The following VPS41 variants were observed in gnomAD, a reference collection of about 807,000 sequenced individuals.
The protein encoded by VPS41 is vacuolar protein sorting-associated protein 41 homolog.
VPS41 carries 85 observed loss-of-function variants against 130.9 expected under a neutral mutation model. The ratio of observed to expected loss-of-function variants is 0.65; its 90% confidence interval spans 0.55 to 0.78. The LOEUF (loss-of-function observed/expected upper bound fraction) is 0.78, where lower values mean the gene tolerates loss of function less well. Ranked by LOEUF, VPS41 falls within the 30% of genes least tolerant of loss-of-function variation. The pLI, the probability that VPS41 is intolerant of heterozygous loss-of-function variation, is 0.00. For synonymous variants in VPS41, 335 were observed against 332.9 expected (o/e 1.01, Z -0.07); for missense variants, 874 against 1,018.7 (o/e 0.86, Z 1.93).
chr7:38,737,372 AAAAAAT>A (rs1795789927), intron 25 of VPS41, among the ~76,000 whole-genome samples: 1 of 152,146 alleles, frequency 6.6e-6, no homozygotes, highest in South Asian at 2.1e-4. Context: ...CTCCGTCTCA[AAAAAAT>A]AAAAATAAAA....
chr7:38,906,332 G>GT (rs35763199), intron 1 of VPS41, among the ~76,000 whole-genome samples: 38,611 of 150,658 alleles, frequency 0.26, 6,285 homozygotes, highest in Non-Finnish European at 0.38. Flanking sequence ...AGACTGCTGG[G>GT]TTTTTTTTTG....
chr7:38,900,315 C>T (rs1411209708), intron 1 of VPS41, among the ~76,000 whole-genome samples: 1 of 151,908 alleles, frequency 6.6e-6, no homozygotes, highest in Non-Finnish European at 1.5e-5. Flanking sequence ...CAGAAACAGT[C>T]AAATATGCAT....
At chr7:38,821,694 G>A (rs1785174370) in intron 5 of VPS41, among the ~76,000 whole-genome samples, 1 of 125,458 alleles carries the variant, frequency 8.0e-6, no homozygotes. Context: ...GTGACAGAGT[G>A]AGACTCCGTC....
chr7:38,897,990 C>T (rs1787046820), intron 2 of VPS41, 101 bp downstream of exon 2: 1 of 1,093,018 alleles, frequency 9.1e-7, no homozygotes, highest in South Asian at 1.3e-5. Flanking sequence ...CCCTGCTTTA[C>T]ACCCTCAGCC....
chr7:38,762,276 T>C (rs1783937884), intron 17 of VPS41, among the ~76,000 whole-genome samples: 2 of 152,234 alleles, frequency 1.3e-5, no homozygotes, highest in East Asian at 1.9e-4. Flanking sequence ...AAGGGACCTG[T>C]TATGATTGAA....
At chr7:38,829,566 C>A (rs896248419) in intron 5 of VPS41, among the ~76,000 whole-genome samples, 2 of 152,044 alleles carry the variant, frequency 1.3e-5, no homozygotes, top group Non-Finnish European at 2.9e-5. Context: ...AGATTTCCAT[C>A]GACTTAAAAA....
At chr7:38,782,293 G>A (rs930691518) in intron 10 of VPS41, among the ~76,000 whole-genome samples, 2 of 152,186 alleles carry the variant, frequency 1.3e-5, no homozygotes, top group Non-Finnish European at 2.9e-5. Context: ...GGCCTTTCCA[G>A]TGAATGCCAA....
intron 2 of VPS41, among the ~76,000 whole-genome samples, chr7:38,887,820 C>T (rs960937198): frequency 1.3e-5 from 2 of 152,220 alleles, no homozygotes; most frequent in Admixed American, 6.5e-5. Context: ...ATCAGACTGA[C>T]AGCAGGTCTC....
chr7:38,901,118 A>C (rs554192920), intron 1 of VPS41, among the ~76,000 whole-genome samples: 1 of 152,354 alleles, frequency 6.6e-6, no homozygotes, highest in African/African-American at 2.4e-5. Context: ...TTCAAAGTGA[A>C]ATAAGCAAGA....
intron 7 of VPS41, among the ~76,000 whole-genome samples, chr7:38,803,332 C>T (rs1784770927): frequency 6.6e-6 from 1 of 152,204 alleles, no homozygotes; most frequent in South Asian, 2.1e-4. Flanking sequence ...TGATAAATCA[C>T]TTGGCTCCTT....
chr7:38,803,962 T>C (rs548120895), intron 7 of VPS41, among the ~76,000 whole-genome samples: 1 of 152,358 alleles, frequency 6.6e-6, no homozygotes, highest in African/African-American at 2.4e-5. Context: ...ACTTCCCAAA[T>C]ATATTATTTC....
intron 7 of VPS41, among the ~76,000 whole-genome samples, chr7:38,798,349 G>C (rs1277872787): frequency 6.6e-6 from 1 of 152,142 alleles, no homozygotes; most frequent in African/African-American, 2.4e-5. Context: ...CTGGAGTGCA[G>C]TGGCACCATC....
At chr7:38,739,418 C>T (rs1300494547) in intron 25 of VPS41, among the ~76,000 whole-genome samples, 5 of 152,124 alleles carry the variant, frequency 3.3e-5, no homozygotes, top group Non-Finnish European at 7.4e-5. Context: ...AAAATAAAAA[C>T]ATGCAAGTGA....
rs1795512862 is a variant in VPS41, at chr7:38,725,110, C to A, written c.*1136G>T. On this transcript the variant is annotated 3_prime_UTR_variant, in exon 29 of 29. Coordinates refer to ENST00000310301, the MANE Select transcript of VPS41 (RefSeq NM_014396.4). ...GCATGCTGTCAGTACTCACTAGCACCCTGTCCTTTCCCCAAAAAGAAAGAA... is the reference window on the plus strand; with the variant it reads ...GCATGCTGTCAGTACTCACTAGCACACTGTCCTTTCCCCAAAAAGAAAGAA... 1 of 152,182 alleles carries A rather than the reference C, an allele frequency of 6.6e-6. No individual in the cohort carries two copies. Among genetic ancestry groups the A allele is most frequent in the African/African-American group, 2.4e-5 (1 of 41,420 alleles). 9.4% of individuals were successfully genotyped at this position (152,182 alleles called of 1,614,324 possible).
chr7:38,732,255 TTCTTGTACAGA>T (rs1039110210), intron 25 of VPS41, among the ~76,000 whole-genome samples: 1 of 152,188 alleles, frequency 6.6e-6, no homozygotes, highest in African/African-American at 2.4e-5. Context: ...CCAAAGGACA[TTCTTGTACAGA>T]TCTTTTTATG....
At chr7:38,840,202 GACA>G (rs1200040350) in intron 4 of VPS41, among the ~76,000 whole-genome samples, 2 of 152,114 alleles carry the variant, frequency 1.3e-5, no homozygotes, top group South Asian at 2.1e-4. Flanking sequence ...CCTCAGCATT[GACA>G]ACAACGAGCT....
chr7:38,897,968 A>C, intron 2 of VPS41, 123 bp downstream of exon 2: 1 of 725,426 alleles, frequency 1.4e-6, no homozygotes, highest in Non-Finnish European at 2.3e-6. Flanking sequence ...CCCAAGGCTT[A>C]GTTACCTATC....
At chr7:38,885,112 C>A (rs1478956502) in intron 2 of VPS41, among the ~76,000 whole-genome samples, 4 of 152,128 alleles carry the variant, frequency 2.6e-5, no homozygotes, top group African/African-American at 9.7e-5. Context: ...CTCACTCTGT[C>A]ACCCAGGCTG....
At chr7:38,735,554 G>A (rs923941125) in intron 25 of VPS41, among the ~76,000 whole-genome samples, 13 of 151,990 alleles carry the variant, frequency 8.6e-5, no homozygotes, top group South Asian at 2.1e-4. Flanking sequence ...TATGGTGTGC[G>A]TAGTTTAACA....
Sources: allele counts gnomAD v4.1 joint callset (sites outside exome capture counted in the v4.1 genomes callset), GRCh38; gene constraint gnomAD v4.1.1; transcripts MANE v1.5; gene names NCBI Gene and HGNC (gene_info 2026-07-23, HGNC 2026-07-21).